Variants in NLRP5 observed in about 807,000 individuals in gnomAD.
NLRP5 encodes the protein NLR family pyrin domain containing 5, also known as NACHT, LRR and PYD domains-containing protein 5.
Under a neutral mutation model 113.1 loss-of-function variants are expected in NLRP5, and 93 were observed. The observed-to-expected ratio is 0.82, with a 90% CI of 0.70 to 0.98. The LOEUF is 0.98. Among genes scored for constraint, NLRP5 ranks in the 50% least tolerant of loss-of-function variants. The pLI is 0.00. For synonymous variants in NLRP5, 751 were observed against 600.7 expected (o/e 1.25, Z -3.66); for missense variants, 1,808 against 1,514.3 (o/e 1.19, Z -3.22).
chr19:56,059,640 T>G (rs896114954), intron 14 of NLRP5, among the ~76,000 whole-genome samples: 1 of 152,152 alleles, frequency 6.6e-6, no homozygotes, highest in African/African-American at 2.4e-5. Context: ...GTTCAAGCAA[T>G]TCTGCTGCCT....
intron 6 of NLRP5, among the ~76,000 whole-genome samples, chr19:56,021,188 A>T (rs925913911): frequency 1.3e-5 from 2 of 152,098 alleles, no homozygotes; most frequent in African/African-American, 4.8e-5. Flanking sequence ...GGCATTTATC[A>T]TCCAGACTTA....
chr19:56,056,784 C>T (rs1236611173), intron 13 of NLRP5, among the ~76,000 whole-genome samples: 4 of 152,140 alleles, frequency 2.6e-5, no homozygotes, highest in Admixed American at 2.6e-4. Context: ...AATCTTATCT[C>T]ACCATCTCGC....
At chr19:56,033,471 G>A (rs1983199180) in intron 8 of NLRP5, 71 bp from the exon 9 acceptor site, 2 of 1,199,066 alleles carry the variant, frequency 1.7e-6, no homozygotes, top group African/African-American at 1.5e-5. Context: ...ATGGGAGAAG[G>A]ATGGGAAGGA....
chr19:55,991,020 TATC>T, the NLRP5 span, among the ~76,000 whole-genome samples: 1 of 152,154 alleles, frequency 6.6e-6, no homozygotes, highest in African/African-American at 2.4e-5. Flanking sequence ...TGTTGATCAT[TATC>T]ATGGATTGGA....
In NLRP5 at chr19:56,030,711, C is replaced by CTTTTTTTTTTTT. The variant is rs1251579019; in HGVS notation, c.2277-1898_2277-1897insTTTTTTTTTTTT. Among the ~76,000 whole-genome samples the CTTTTTTTTTTTT allele has an allele frequency of 4.3e-3, 205 of 47,720 alleles. 1 individual carries two copies. Among genetic ancestry groups the CTTTTTTTTTTTT allele is most frequent in the Middle Eastern group, 0.016 (1 of 62 alleles). 31.3% of individuals were successfully genotyped at this position (47,720 alleles called of 152,430 possible). A position where few individuals can be genotyped will look rare whatever the true frequency, so the allele number is the denominator to read the frequency against. ...TATACTTACATTCATTCGCTTTCTT[C>CTTTTTTTTTTTT]TTCTTTTTTTTTTTTTTTTTTGAGA... On this transcript the variant is annotated intron_variant, in intron 7 of 14. Coordinates refer to ENST00000390649, the MANE Select transcript of NLRP5 (RefSeq NM_153447.4).
intron 6 of NLRP5, among the ~76,000 whole-genome samples, chr19:56,024,195 G>T (rs1350312732): frequency 6.6e-6 from 1 of 151,492 alleles, no homozygotes; most frequent in East Asian, 1.9e-4. Context: ...AATGTTGAAT[G>T]CATATTCTTA....
chr19:56,015,675 C>T (rs905058782), intron 3 of NLRP5, 67 bp from the exon 4 acceptor site: 1 of 1,333,302 alleles, frequency 7.5e-7, no homozygotes, highest in Non-Finnish European at 1.0e-6. Flanking sequence ...CTGGGGTGTC[C>T]AACATCTCTG....
intron 7 of NLRP5, among the ~76,000 whole-genome samples, chr19:56,031,708 A>G (rs1165439398): frequency 6.6e-6 from 1 of 152,092 alleles, no homozygotes; most frequent in Non-Finnish European, 1.5e-5. Context: ...CTCACCTAAC[A>G]TAATATCCTC....
At chr19:56,059,000 T>C (rs888417074) in intron 14 of NLRP5, among the ~76,000 whole-genome samples, 16 of 152,160 alleles carry the variant, frequency 1.1e-4, no homozygotes, top group African/African-American at 2.4e-4. Flanking sequence ...GAGGTACTTA[T>C]AAGAGTGAAA....
chr19:56,036,914 G>A (rs748107346), intron 9 of NLRP5, among the ~76,000 whole-genome samples: 9 of 152,100 alleles, frequency 5.9e-5, no homozygotes, highest in African/African-American at 9.7e-5. Flanking sequence ...CCGAGATTGC[G>A]CCACTGCACT....
chr19:56,020,310 G>C lies in NLRP5; in HGVS notation c.623-65G>C. The C allele has an allele frequency of 5.7e-6, 9 of 1,583,158 alleles. No individual in the cohort carries two copies. In the South Asian group the frequency reaches 8.9e-5, roughly 16 times the overall value. On this transcript the variant is annotated intron_variant, in intron 5 of 14. Coordinates refer to ENST00000390649, the MANE Select transcript of NLRP5 (RefSeq NM_153447.4). Reference sequence around the variant, plus strand: ...AATATGGCATGACTAAGCTTATCTTGGGGGTGTCTGACATCTCTGACTCGA... The same window carrying C: ...AATATGGCATGACTAAGCTTATCTTCGGGGTGTCTGACATCTCTGACTCGA...
Position 56,050,508 on chromosome 19 carries a change from C to T in NLRP5, c.3048C>T (p.Ser1016=), listed in dbSNP as rs1271995640. Residue 1016 remains serine (S), a synonymous_variant, in exon 12 of 15, where the codon AGC becomes AGT. Transcript: ENST00000390649. ...CATGGCTGACGCACCTGAGCCTTAG[C>T]ATGAACCCTGTGGAAGACAATGGCG... 1.2e-6 allele frequency: 2 copies of T among 1,613,924 alleles called. No individual in the cohort carries two copies. Among genetic ancestry groups the T allele is most frequent in the African/African-American group, 2.7e-5 (2 of 75,032 alleles).
In NLRP5 at chr19:56,027,680, C is replaced by T; in HGVS notation, c.1447C>T (p.Leu483=). The change falls in exon 7 of 15, where the codon CTG becomes TTG. Residue 483 remains leucine, a synonymous_variant. Coordinates refer to ENST00000390649, the MANE Select transcript of NLRP5 (RefSeq NM_153447.4). Reference sequence around the variant, plus strand: ...CTCTCTCATCTGCGTGGCCCTGCAGCTGCAGGACGTGGTGGGGGAGAGCGT... The same window carrying T: ...CTCTCTCATCTGCGTGGCCCTGCAGTTGCAGGACGTGGTGGGGGAGAGCGT... 6.2e-7 allele frequency: 1 copy of T among 1,613,482 alleles called. No homozygotes were observed. The highest frequency in any genetic ancestry group is 1.3e-5 in the African/African-American group (1 of 75,064).
At chr19:56,041,673 C>T (rs1047344805) in intron 11 of NLRP5, among the ~76,000 whole-genome samples, 6 of 152,204 alleles carry the variant, frequency 3.9e-5, no homozygotes, top group Admixed American at 1.3e-4. Flanking sequence ...TGCAGCGGGG[C>T]GCGGTGGCTC....
At chr19:56,030,893 T>C (rs1295123655) in intron 7 of NLRP5, among the ~76,000 whole-genome samples, 2 of 151,710 alleles carry the variant, frequency 1.3e-5, no homozygotes, top group Non-Finnish European at 2.9e-5. Context: ...TTTGTATTTT[T>C]AGTAGAGATG....
In NLRP5 at chr19:56,015,750, C is replaced by T; in HGVS notation, c.517C>T (p.Gln173Ter). 1 of 1,568,952 alleles carries T rather than the reference C, an allele frequency of 6.4e-7. No individual in the cohort carries two copies. Among genetic ancestry groups the T allele is most frequent in the Non-Finnish European group, 8.7e-7 (1 of 1,155,124 alleles). ...TCCCTTCTCTTTTGCAGGAATTTCACAAGCTGTGCAACAAGATAGTGCCAC... is the reference window on the plus strand; with the variant it reads ...TCCCTTCTCTTTTGCAGGAATTTCATAAGCTGTGCAACAAGATAGTGCCAC... The change falls in exon 4 of 15, where the codon CAA (glutamine) becomes TAA (stop). Residue 173 changes from glutamine (Q) to a stop codon, truncating the protein, a stop_gained. Transcript: ENST00000390649. LOFTEE classifies it high-confidence loss of function.
upstream of NLRP5, among the ~76,000 whole-genome samples, chr19:55,999,202 T>A (rs1981508385): frequency 7.4e-6 from 1 of 134,806 alleles, no homozygotes; most frequent in Non-Finnish European, 1.6e-5. Flanking sequence ...AAATCTTTTT[T>A]TTTCTTTTTC....
At chr19:56,041,845 A>G (rs1002942116) in intron 11 of NLRP5, among the ~76,000 whole-genome samples, 1 of 152,154 alleles carries the variant, frequency 6.6e-6, no homozygotes, top group Non-Finnish European at 1.5e-5. Flanking sequence ...GCGACTCAGG[A>G]GGCTGAGGCA....
chr19:55,999,656 A>C (rs1981549234), upstream of NLRP5: 2 of 1,143,948 alleles, frequency 1.7e-6, no homozygotes, highest in Non-Finnish European at 2.7e-6. Flanking sequence ...AGAGGCAGGT[A>C]CTCTGATTTC....
Sources: allele counts gnomAD v4.1 joint callset (sites outside exome capture counted in the v4.1 genomes callset), GRCh38; gene constraint gnomAD v4.1.1; transcripts MANE v1.5; gene names NCBI Gene and HGNC (gene_info 2026-07-23, HGNC 2026-07-21).